CFAP299: variants seen among roughly 807,000 people sequenced by gnomAD.
The protein encoded by CFAP299 is cilia- and flagella-associated protein 299.
A neutral mutation model predicts 27.0 loss-of-function variants in CFAP299; 21 were observed. That is an observed-to-expected ratio of 0.78 (90% CI 0.55 to 1.12). CFAP299 has a LOEUF of 1.12. CFAP299 is among the 50% of genes most tolerant of loss of function. The probability of loss-of-function intolerance (pLI) is 0.00; values close to 1 mark genes in which losing one functional copy is unlikely to be tolerated. For missense variants in CFAP299, 310 were observed against 276.6 expected, an observed-to-expected ratio of 1.12 and a Z score of -0.86; for synonymous variants, 104 against 98.1, an observed-to-expected ratio of 1.06 and a Z score of -0.36.
chr4:80,468,007 T>G lies in CFAP299; in HGVS notation c.242+105123T>G, dbSNP rs533977772. On this transcript the variant is annotated intron_variant, in intron 2 of 5. Coordinates refer to ENST00000358105, the MANE Select transcript of CFAP299 (RefSeq NM_152770.3). ...AGTCCTTCTCTTGACCTGTGGGGAT[T>G]ATGGGGATTACAACTGAAGATGAGA... Among the ~76,000 whole-genome samples the G allele has an allele frequency of 3.9e-5, 6 of 152,250 alleles. No individual in the cohort carries two copies. In the East Asian group the frequency reaches 1.2e-3, roughly 29 times the overall value.
intron 2 of CFAP299, among the ~76,000 whole-genome samples, chr4:80,389,680 T>C (rs553013597): frequency 1.3e-5 from 2 of 152,344 alleles, no homozygotes; most frequent in East Asian, 1.9e-4. Flanking sequence ...TGATACCACA[T>C]TGGCTAACCG....
chr4:80,799,490 A>G (rs1462081393), intron 3 of CFAP299, among the ~76,000 whole-genome samples: 1 of 80,944 alleles, frequency 1.2e-5, no homozygotes, highest in Non-Finnish European at 2.1e-5. Flanking sequence ...TATTAAATAT[A>G]TATAATATAT....
chr4:80,948,665 A>G (rs887099084), intron 5 of CFAP299, among the ~76,000 whole-genome samples: 1 of 152,106 alleles, frequency 6.6e-6, no homozygotes, highest in African/African-American at 2.4e-5. Context: ...GAGAGATTGT[A>G]TACAATAGTT....
chr4:80,549,774 A>G (rs966356768), intron 2 of CFAP299, among the ~76,000 whole-genome samples: 1 of 152,094 alleles, frequency 6.6e-6, no homozygotes, highest in Non-Finnish European at 1.5e-5. Flanking sequence ...TTTTTATTCG[A>G]TTGAGCATAC....
chr4:80,440,504 A>G (rs1728306553), intron 2 of CFAP299, among the ~76,000 whole-genome samples: 1 of 152,216 alleles, frequency 6.6e-6, no homozygotes, highest in African/African-American at 2.4e-5. Context: ...AATCAATAAC[A>G]TCAACATCAA....
intron 5 of CFAP299, among the ~76,000 whole-genome samples, chr4:80,946,303 C>T (rs1737473526): frequency 6.6e-6 from 1 of 152,082 alleles, no homozygotes; most frequent in African/African-American, 2.4e-5. Flanking sequence ...GACAGCTCCA[C>T]AGTCATCTGG....
chr4:80,737,467 G>A (rs1367736715), intron 3 of CFAP299, among the ~76,000 whole-genome samples: 1 of 152,046 alleles, frequency 6.6e-6, no homozygotes, highest in East Asian at 1.9e-4. Flanking sequence ...CTCGTTACTT[G>A]TTGTTGGTCA....
At chr4:80,424,392 T>C (rs1278756406) in intron 2 of CFAP299, among the ~76,000 whole-genome samples, 1 of 152,226 alleles carries the variant, frequency 6.6e-6, no homozygotes. Flanking sequence ...TTTTCTGCAC[T>C]ATCTGGGTAA....
chr4:80,621,725 A>G (rs1305818384), intron 3 of CFAP299, among the ~76,000 whole-genome samples: 1 of 152,158 alleles, frequency 6.6e-6, no homozygotes, highest in African/African-American at 2.4e-5. Flanking sequence ...TGATATAGTA[A>G]ATGCTTCAAC....
chr4:80,855,189 C>A (rs1312211630), intron 3 of CFAP299, among the ~76,000 whole-genome samples: 1 of 151,944 alleles, frequency 6.6e-6, no homozygotes, highest in Non-Finnish European at 1.5e-5. Context: ...TAAACAAAAT[C>A]AACTTATGGA....
At chr4:80,634,133 C>T (rs973503562) in intron 3 of CFAP299, among the ~76,000 whole-genome samples, 1 of 151,854 alleles carries the variant, frequency 6.6e-6, no homozygotes, top group African/African-American at 2.4e-5. Flanking sequence ...ACAGTGTGCA[C>T]CACCACGCCC....
chr4:80,777,860 G>A (rs1726644737), intron 3 of CFAP299, among the ~76,000 whole-genome samples: 1 of 152,060 alleles, frequency 6.6e-6, no homozygotes, highest in South Asian at 2.1e-4. Context: ...ATGGCTACAT[G>A]AATAGATGAG....
chr4:80,750,029 A>G (rs1724846279), intron 3 of CFAP299, among the ~76,000 whole-genome samples: 1 of 152,202 alleles, frequency 6.6e-6, no homozygotes, highest in Non-Finnish European at 1.5e-5. Flanking sequence ...TAAATCTTTC[A>G]TTTGAAATTA....
At chr4:80,442,998 TC>T (rs761675641) in intron 2 of CFAP299, among the ~76,000 whole-genome samples, 3 of 152,138 alleles carry the variant, frequency 2.0e-5, no homozygotes, top group Admixed American at 6.5e-5. Flanking sequence ...AGAAGTCGAA[TC>T]CCTGAATAGA....
intron 2 of CFAP299, among the ~76,000 whole-genome samples, chr4:80,488,925 C>T (rs536182196): frequency 3.9e-5 from 6 of 152,324 alleles, no homozygotes; most frequent in Admixed American, 6.5e-5. Flanking sequence ...ATAACACATG[C>T]TCTTTCTGGT....
intron 2 of CFAP299, among the ~76,000 whole-genome samples, chr4:80,489,521 C>T (rs930204848): frequency 6.6e-6 from 1 of 152,108 alleles, no homozygotes; most frequent in Non-Finnish European, 1.5e-5. Context: ...ATAGCCCTTC[C>T]TCTATCTGGG....
chr4:80,796,734 G>A (rs1727886615), intron 3 of CFAP299, among the ~76,000 whole-genome samples: 1 of 152,160 alleles, frequency 6.6e-6, no homozygotes. Context: ...CAACACTCCT[G>A]CATCTTTCAA....
rs1560542968 is a variant in CFAP299, at chr4:80,390,505, A to ATATACACACATATATGTATATATG, written c.242+27626_242+27649dup. Among the ~76,000 whole-genome samples the ATATACACACATATATGTATATATG allele has an allele frequency of 3.5e-3, 274 of 79,032 alleles. 9 individuals carry two copies. The highest frequency in any genetic ancestry group is 0.013 in the African/African-American group (185 of 14,524). 51.8% of individuals were successfully genotyped at this position (79,032 alleles called of 152,430 possible). On this transcript the variant is annotated intron_variant, in intron 2 of 5. Coordinates refer to ENST00000358105, the MANE Select transcript of CFAP299 (RefSeq NM_152770.3). ...TCTCTCTCTCTCTATATATATGTAT[A>ATATACACACATATATGTATATATG]TATACACACATATATGTATATATGT... is the stretch of plus-strand genomic sequence containing the variant.
intron 2 of CFAP299, among the ~76,000 whole-genome samples, chr4:80,406,959 C>A (rs1726459980): frequency 6.6e-6 from 1 of 151,852 alleles, no homozygotes; most frequent in Non-Finnish European, 1.5e-5. Context: ...AAAATCTGGG[C>A]AATACCATTT....
Sources: gnomAD v4.1 joint callset for allele counts (sites outside exome capture counted in the v4.1 genomes callset) on GRCh38, gnomAD v4.1.1 for gene constraint, MANE v1.5 for transcripts, NCBI Gene and HGNC (gene_info 2026-07-23, HGNC 2026-07-21) for gene names.